The following PEBP4 variants were observed in gnomAD, a reference collection of about 807,000 sequenced individuals.
The protein encoded by PEBP4 is phosphatidylethanolamine-binding protein 4.
Under a neutral mutation model 23.9 loss-of-function variants are expected in PEBP4, and 22 were observed. The ratio of observed to expected loss-of-function variants is 0.92; its 90% confidence interval spans 0.66 to 1.31. The LOEUF (loss-of-function observed/expected upper bound fraction) is 1.31. Among genes scored for constraint, PEBP4 ranks in the 40% most tolerant of loss-of-function variants. The probability of loss-of-function intolerance (pLI) is 0.00; values close to 1 mark genes in which losing one functional copy is unlikely to be tolerated. For synonymous variants in PEBP4, 112 were observed against 99.3 expected (o/e 1.13, Z -0.76); for missense variants, 324 against 281.7 (o/e 1.15, Z -1.07).
intron 3 of PEBP4, among the ~76,000 whole-genome samples, chr8:22,919,143 C>T (rs983320004): frequency 2.0e-5 from 3 of 152,170 alleles, no homozygotes; most frequent in African/African-American, 7.2e-5. Context: ...TGTGTGCTGC[C>T]GCCCTCTGGA....
In PEBP4 at chr8:22,802,813, A is replaced by G. The variant is rs1021642648; in HGVS notation, c.357+14824T>C. On this transcript the variant is annotated intron_variant, in intron 4 of 6. Transcript: ENST00000256404. The stretch of plus-strand genomic sequence containing the variant: ...GCGTACGAACATTTTGGCAGAAAGA[A>G]AAGTCGAGGGCTGCTTAGTGGAGGA... Among the ~76,000 whole-genome samples, 3 of 152,206 alleles carry G rather than the reference A, an allele frequency of 2.0e-5. No individual in the cohort carries two copies. In the South Asian group the frequency reaches 6.2e-4, roughly 31 times the overall value.
intron 4 of PEBP4, among the ~76,000 whole-genome samples, chr8:22,807,062 C>A (rs1034409332): frequency 6.6e-6 from 1 of 152,178 alleles, no homozygotes; most frequent in Non-Finnish European, 1.5e-5. Context: ...TTACACTTAC[C>A]AGCCTAAATT....
chr8:22,811,775 G>A lies in PEBP4; in HGVS notation c.357+5862C>T, dbSNP rs145196049. Among the ~76,000 whole-genome samples, 949 of 152,342 alleles carry A rather than the reference G, an allele frequency of 6.2e-3. 9 individuals carry two copies. Among genetic ancestry groups the A allele is most frequent in the African/African-American group, 0.021 (875 of 41,578 alleles). ...TTCCTCAAAAGCCAGCTGGGGTCAC[G>A]TTAGGTCCTCCAGGCTGGGCCTGGA... On this transcript the variant is annotated intron_variant, in intron 4 of 6. Coordinates refer to ENST00000256404, the MANE Select transcript of PEBP4 (RefSeq NM_144962.3).
chr8:22,809,263 G>C (rs1806565362), intron 4 of PEBP4, among the ~76,000 whole-genome samples: 1 of 152,146 alleles, frequency 6.6e-6, no homozygotes, highest in African/African-American at 2.4e-5. Context: ...CAGATTCAGG[G>C]AGGTAAACAA....
chr8:22,810,694 G>A (rs1806603076), intron 4 of PEBP4, among the ~76,000 whole-genome samples: 1 of 148,696 alleles, frequency 6.7e-6, no homozygotes, highest in Non-Finnish European at 1.5e-5. Context: ...GTGTGTGTGT[G>A]TGTGTGTGTG....
Position 22,714,577 on chromosome 8 carries a change from G to A in PEBP4, c.518-1041C>T, listed in dbSNP as rs916203200. On this transcript the variant is annotated intron_variant, in intron 6 of 6. Coordinates refer to ENST00000256404, the MANE Select transcript of PEBP4 (RefSeq NM_144962.3). ...TTTGCTAAATGCAGCAACCTCCCAG[G>A]GTGGAGAGAGAGTGCCTGGGGAAGA... Among the ~76,000 whole-genome samples the A allele has an allele frequency of 2.0e-5, 3 of 151,846 alleles. No individual in the cohort carries two copies. In the South Asian group the frequency reaches 6.2e-4, roughly 32 times the overall value.
At chr8:22,924,781 C>T (rs1809287778) in intron 2 of PEBP4, 3 of 985,292 alleles carry the variant, frequency 3.0e-6, no homozygotes, top group Non-Finnish European at 3.6e-6. Flanking sequence ...TTCCATTCTG[C>T]GACTGAGCCC....
chr8:22,849,568 TC>T (rs1356539391), intron 3 of PEBP4, among the ~76,000 whole-genome samples: 1 of 152,198 alleles, frequency 6.6e-6, no homozygotes, highest in South Asian at 2.1e-4. Flanking sequence ...AGACGGTGTT[TC>T]CGTGCCCACT....
At chr8:22,742,276 G>A (rs1051789001) in intron 4 of PEBP4, among the ~76,000 whole-genome samples, 3 of 152,258 alleles carry the variant, frequency 2.0e-5, no homozygotes, top group Non-Finnish European at 2.9e-5. Context: ...TAATCTGCCA[G>A]CTCTTGCGCC....
At chr8:22,783,225 C>T (rs1375099812) in intron 4 of PEBP4, among the ~76,000 whole-genome samples, 1 of 152,220 alleles carries the variant, frequency 6.6e-6, no homozygotes, top group Non-Finnish European at 1.5e-5. Context: ...CTTTCTCAGT[C>T]CTTTCTTGAG....
intron 4 of PEBP4, among the ~76,000 whole-genome samples, chr8:22,738,463 A>G (rs556665929): frequency 6.6e-6 from 1 of 152,278 alleles, no homozygotes; most frequent in South Asian, 2.1e-4. Flanking sequence ...CTGCTCGGTG[A>G]TGGGAGCAAG....
intron 3 of PEBP4, among the ~76,000 whole-genome samples, chr8:22,904,661 C>T (rs1367240842): frequency 2.6e-5 from 4 of 152,246 alleles, no homozygotes; most frequent in East Asian, 1.9e-4. Flanking sequence ...ATATATTCTC[C>T]GTTCGCCTAG....
intron 3 of PEBP4, among the ~76,000 whole-genome samples, chr8:22,917,211 C>T (rs1343529994): frequency 6.6e-6 from 1 of 152,118 alleles, no homozygotes; most frequent in Non-Finnish European, 1.5e-5. Flanking sequence ...AATGCACCAT[C>T]CCCACATAGC....
At chr8:22,863,047 G>A (rs1413836286) in intron 3 of PEBP4, among the ~76,000 whole-genome samples, 3 of 152,062 alleles carry the variant, frequency 2.0e-5, no homozygotes, top group African/African-American at 7.3e-5. Flanking sequence ...TGATCTGCCT[G>A]CCTCGGCCTC....
At position 22,809,492 on chromosome 8, in the gene PEBP4, C is replaced by T. The variant is rs187471356; in HGVS notation, c.357+8145G>A. On this transcript the variant is annotated intron_variant, in intron 4 of 6. Coordinates refer to ENST00000256404, the MANE Select transcript of PEBP4 (RefSeq NM_144962.3). ...GGGCCTAGGTGGTGGGTGTGGAACC[C>T]GTTTAGACTCTGGAGTAGCAATATG... Among the ~76,000 whole-genome samples the T allele has an allele frequency of 1.2e-4, 19 of 152,188 alleles. No individual in the cohort carries two copies. In the East Asian group the frequency reaches 2.5e-3, roughly 20 times the overall value.
intron 4 of PEBP4, among the ~76,000 whole-genome samples, chr8:22,770,959 G>A (rs1025692310): frequency 1.3e-5 from 2 of 152,214 alleles, no homozygotes; most frequent in Non-Finnish European, 2.9e-5. Flanking sequence ...TGGGATTGAA[G>A]TTACTTCTCA....
rs184361193 is a variant in PEBP4, at chr8:22,766,680, C to T, written c.358-39460G>A. On this transcript the variant is annotated intron_variant, in intron 4 of 6. Transcript: ENST00000256404. ...CATGCTGGCGTATCAGGGGCAGCAG[C>T]ACCCGGGGCGGCGGTTGGGGGAATG... 1.8e-3 allele frequency among the ~76,000 whole-genome samples: 269 copies of T among 152,328 alleles called. 2 individuals carry two copies. Among genetic ancestry groups the T allele is most frequent in the African/African-American group, 5.9e-3 (247 of 41,572 alleles).
At chr8:22,868,758 T>C (rs1807953283) in intron 3 of PEBP4, among the ~76,000 whole-genome samples, 1 of 152,178 alleles carries the variant, frequency 6.6e-6, no homozygotes, top group South Asian at 2.1e-4. Context: ...GTTGGCTCAA[T>C]ATCTGACCAC....
At chr8:22,776,300 A>C (rs1805814069) in intron 4 of PEBP4, among the ~76,000 whole-genome samples, 1 of 152,194 alleles carries the variant, frequency 6.6e-6, no homozygotes, top group African/African-American at 2.4e-5. Flanking sequence ...TTTTACTCAT[A>C]GATGAGATTT....
Sources: gnomAD v4.1 joint callset for allele counts (sites outside exome capture counted in the v4.1 genomes callset) on GRCh38, gnomAD v4.1.1 for gene constraint, MANE v1.5 for transcripts, NCBI Gene and HGNC (gene_info 2026-07-23, HGNC 2026-07-21) for gene names.